Variants in CHD5 observed in about 807,000 individuals in gnomAD.
CHD5 encodes chromodomain helicase DNA binding protein 5, also known as ATP-dependent chromatin remodeler CHD5.
In CHD5, 69 loss-of-function variants were observed where a neutral mutation model predicts 230.3. That is an observed-to-expected ratio of 0.30 (90% CI 0.25 to 0.37). CHD5 has a LOEUF of 0.37. Among genes scored for constraint, CHD5 ranks in the 10% least tolerant of loss-of-function variants. The pLI, the probability that CHD5 is intolerant of heterozygous loss-of-function variation, is 1.00. For synonymous variants in CHD5, 1,064 were observed against 1,065.9 expected, an observed-to-expected ratio of 1.00 and a Z score of 0.03; for missense variants, 1,827 against 2,622.8, an observed-to-expected ratio of 0.70 and a Z score of 6.63.
At chr1:6,159,145 G>A (rs908171349) in intron 3 of CHD5, among the ~76,000 whole-genome samples, 191 bp downstream of exon 3, 3 of 151,950 alleles carry the variant, frequency 2.0e-5, no homozygotes, top group African/African-American at 7.3e-5. Flanking sequence ...TGAGGCAGGA[G>A]AATTGCTTGA....
intron 1 of CHD5, among the ~76,000 whole-genome samples, chr1:6,173,868 G>C (rs1243490393): frequency 2.6e-5 from 4 of 152,196 alleles, no homozygotes; most frequent in African/African-American, 9.7e-5. Flanking sequence ...CTGGCAAAGG[G>C]GGGCAGTACA....
chr1:6,113,007 A>G lies in CHD5; in HGVS notation c.4913-9T>C. On this transcript the variant is annotated splice_polypyrimidine_tract_variant and intron_variant, in intron 33 of 41. Transcript: ENST00000262450. ...CTCAGGAAGCACCTCCTCTGCAAGA[A>G]AAAGAGGGTTCGCGGCATGGGGTGG... 6.2e-7 allele frequency: 1 copy of G among 1,605,016 alleles called. No homozygotes were observed. The highest frequency in any genetic ancestry group is 1.1e-5 in the South Asian group (1 of 90,924).
At chr1:6,113,273 A>C in intron 33 of CHD5, 1 of 427,756 alleles carries the variant, frequency 2.3e-6, no homozygotes. Flanking sequence ...AAATACAACA[A>C]CTTAGCTGGG....
chr1:6,127,473 G>A lies in CHD5; in HGVS notation c.3903+573C>T, dbSNP rs1316653195. Among the ~76,000 whole-genome samples, 9 of 151,568 alleles carry A rather than the reference G, an allele frequency of 5.9e-5. 1 individual carries two copies. Among genetic ancestry groups the A allele is most frequent in the African/African-American group, 4.8e-5 (2 of 41,326 alleles). On this transcript the variant is annotated intron_variant, in intron 25 of 41. Coordinates refer to ENST00000262450, the MANE Select transcript of CHD5 (RefSeq NM_015557.3). ...TGCACTCCAGCCGGGGCGACAGAGC[G>A]AGACTCCATTTCAAGAAAAAAAAAA...
In CHD5 at chr1:6,105,475, G is replaced by T. The variant is rs979738091; in HGVS notation, c.*47-48C>A. 2.2e-6 allele frequency: 1 copy of T among 460,258 alleles called. No homozygotes were observed. The highest frequency in any genetic ancestry group is 2.0e-5 in the African/African-American group (1 of 49,480). The allele number at this position is 460,258 out of a possible 1,614,324, so 28.5% of individuals were successfully genotyped here. ...TTAAGCAGGTGGGCAGTTATAGGGG[G>T]CATCAGGGTGGCACCCAACAGCCTG... On this transcript the variant is annotated intron_variant, in intron 41 of 41. Coordinates refer to ENST00000262450, the MANE Select transcript of CHD5 (RefSeq NM_015557.3). The surrounding 1 kb of genome is among the most constrained non-coding windows in gnomAD (Gnocchi z 4.8).
At position 6,125,476 on chromosome 1, in the gene CHD5, C is replaced by G. The variant is rs755076558; in HGVS notation, c.4260+48G>C. 11 of 1,526,338 alleles carry G rather than the reference C, an allele frequency of 7.2e-6. No individual in the cohort carries two copies. Among genetic ancestry groups the G allele is most frequent in the South Asian group, 7.2e-5 (6 of 83,394 alleles). The allele number at this position is 1,526,338 out of a possible 1,614,324, so 94.5% of individuals were successfully genotyped here. A position where few individuals can be genotyped will look rare whatever the true frequency, so the allele number is the denominator to read the frequency against. ...CCAGCCCTCCTCCATACCCCAGGGG[C>G]AGCAGGAAGCAGGGGCAGAAAGAGA... is the stretch of plus-strand genomic sequence containing the variant. On this transcript the variant is annotated intron_variant, in intron 28 of 41. Transcript: ENST00000262450. This position sits in a 1 kb window ranked among gnomAD's most constrained non-coding sequence, Gnocchi z 6.7.
Position 6,103,253 on chromosome 1 carries a change from T to C in CHD5, c.*2221A>G, listed in dbSNP as rs1666103686. 1 of 152,572 alleles carries C rather than the reference T, an allele frequency of 6.6e-6. No individual in the cohort carries two copies. Among genetic ancestry groups the C allele is most frequent in the Admixed American group, 6.5e-5 (1 of 15,288 alleles). 9.5% of individuals were successfully genotyped at this position (152,572 alleles called of 1,614,324 possible). Reference sequence around the variant, plus strand: ...GCACCACCCCTTCTGGACCAGGCAGTGCAGGGGGCCCAGGCCCAAAGGAGC... The same window carrying C: ...GCACCACCCCTTCTGGACCAGGCAGCGCAGGGGGCCCAGGCCCAAAGGAGC... On this transcript the variant is annotated 3_prime_UTR_variant, in exon 42 of 42. Coordinates refer to ENST00000262450, the MANE Select transcript of CHD5 (RefSeq NM_015557.3).
At chr1:6,179,756 C>A (rs947890797) in intron 1 of CHD5, among the ~76,000 whole-genome samples, 189 bp downstream of exon 1, 20 of 146,628 alleles carry the variant, frequency 1.4e-4, no homozygotes, top group Non-Finnish European at 3.0e-4. Context: ...CCGGCCCGGG[C>A]GCTCACCCAG....
chr1:6,179,562 C>A lies in CHD5; in HGVS notation c.79+383G>T, dbSNP rs569632324. ...AGGCCAGAGGCGCACGGCGGCGGGA[C>A]GCGAGCGCGGGGTGCGCCGCTCCGG... On this transcript the variant is annotated intron_variant, in intron 1 of 41. Transcript: ENST00000262450. Among the ~76,000 whole-genome samples, 1,422 of 151,444 alleles carry A rather than the reference C, an allele frequency of 9.4e-3. 9 individuals carry two copies. Among genetic ancestry groups the A allele is most frequent in the Middle Eastern group, 0.021 (6 of 292 alleles).
chr1:6,162,843 A>G lies in CHD5; in HGVS notation c.208-3328T>C, dbSNP rs376018902. 7.8e-4 allele frequency among the ~76,000 whole-genome samples: 119 copies of G among 152,288 alleles called. 1 individual carries two copies. The highest frequency in any genetic ancestry group is 6.8e-3 in the Middle Eastern group (2 of 294). ...CGAGACGCGGTACAGAGGGAGCAGGACCTGGACAAGAAGGGGCTGCTGTGG... is the reference window on the plus strand; with the variant it reads ...CGAGACGCGGTACAGAGGGAGCAGGGCCTGGACAAGAAGGGGCTGCTGTGG... On this transcript the variant is annotated intron_variant, in intron 2 of 41. Transcript: ENST00000262450.
Position 6,134,586 on chromosome 1 carries a change from C to G in CHD5, c.3012+132G>C, listed in dbSNP as rs78453130. The G allele has an allele frequency of 1.7e-3, 1,731 of 1,027,236 alleles. 21 individuals are homozygous for G. The African/African-American group carries it at 0.024, about 14-fold the overall frequency. 63.6% of individuals were successfully genotyped at this position (1,027,236 alleles called of 1,614,324 possible). A position where few individuals can be genotyped will look rare whatever the true frequency, so the allele number is the denominator to read the frequency against. ...TTCCATGATGGCCAGGGAAACCTAC[C>G]ATGACAGCCACAGAAATCGCCACAA... On this transcript the variant is annotated intron_variant, in intron 19 of 41. Coordinates refer to ENST00000262450, the MANE Select transcript of CHD5 (RefSeq NM_015557.3). The surrounding 1 kb of genome is among the most constrained non-coding windows in gnomAD (Gnocchi z 6.3).
rs1235751436 is a variant in CHD5, at chr1:6,155,434, T to C, written c.506+165A>G. Among the ~76,000 whole-genome samples the C allele has an allele frequency of 6.6e-6, 1 of 152,060 alleles. No individual in the cohort carries two copies. Among genetic ancestry groups the C allele is most frequent in the Non-Finnish European group, 1.5e-5 (1 of 67,996 alleles). On this transcript the variant is annotated intron_variant, in intron 4 of 41. Transcript: ENST00000262450. The surrounding 1 kb of genome is among the most constrained non-coding windows in gnomAD (Gnocchi z 4.0). ...GGGAAGGCCTGGTGGTCTGTTAACA[T>C]GAAGGGGTCCTGCCCCCTCCCTCCA... is the stretch of plus-strand genomic sequence containing the variant.
At chr1:6,110,558 C>T (rs775490627) in intron 36 of CHD5, 32 bp from the exon 37 acceptor site, 3 of 1,608,328 alleles carry the variant, frequency 1.9e-6, no homozygotes, top group Non-Finnish European at 2.5e-6. Context: ...GCAAACCTGG[C>T]CGTTAGAAGT....
chr1:6,151,718 CCTT>C (rs943485010), intron 6 of CHD5, among the ~76,000 whole-genome samples: 2 of 152,238 alleles, frequency 1.3e-5, no homozygotes, highest in Non-Finnish European at 2.9e-5. Flanking sequence ...GCGGGCCACA[CCTT>C]CTCTCCATGC....
At chr1:6,132,400 C>T (rs967261302) in intron 20 of CHD5, among the ~76,000 whole-genome samples, 1 of 152,172 alleles carries the variant, frequency 6.6e-6, no homozygotes, top group Non-Finnish European at 1.5e-5. Flanking sequence ...GTCTAAAGTA[C>T]CTAGAGGTTC....
rs1384195841 is a variant in CHD5 at position 6,128,144 on chromosome 1, T to G, written c.3805A>C (p.Asn1269His). The G allele has an allele frequency of 1.9e-6, 3 of 1,614,130 alleles. No homozygotes were observed. The highest frequency in any genetic ancestry group is 3.3e-5 in the Admixed American group (2 of 60,018). Reference sequence around the variant, plus strand: ...TCCGTGTCATCTGTAGCGTCCTGGTTCCGGTCCAGCAGCTTGGAGATGGCC... The same window carrying G: ...TCCGTGTCATCTGTAGCGTCCTGGTGCCGGTCCAGCAGCTTGGAGATGGCC... Reference protein sequence around the residue: ...DAAISKLLDRNQDATDDTELQ... With the variant: ...DAAISKLLDRHQDATDDTELQ... Residue 1269 changes from asparagine to histidine, a missense_variant, in exon 25 of 42, where the codon AAC becomes CAC. This residue lies in a region of CHD5 where 137 missense variants were observed against 272.7 expected (regional missense o/e 0.50). Transcript: ENST00000262450. The surrounding 1 kb of genome is among the most constrained non-coding windows in gnomAD (Gnocchi z 7.8).
At chr1:6,144,682 C>A (rs1666882495) in intron 11 of CHD5, among the ~76,000 whole-genome samples, 1 of 152,214 alleles carries the variant, frequency 6.6e-6, no homozygotes, top group East Asian at 1.9e-4. Context: ...CAGCAGCACA[C>A]AGCTTGATTC....
rs527411269 is a variant in CHD5, at chr1:6,126,637, T to C, written c.4013A>G (p.Asn1338Ser). The change falls in exon 26 of 42, where the codon AAC (asparagine) becomes AGC (serine). Residue 1338 changes from asparagine (N) to serine (S), a missense_variant. Physicochemically the swap from Asn to Ser is conservative, Grantham distance 46. This residue lies in a region of CHD5 where 137 missense variants were observed against 272.7 expected (regional missense o/e 0.50). Coordinates refer to ENST00000262450, the MANE Select transcript of CHD5 (RefSeq NM_015557.3). The surrounding 1 kb of genome is among the most constrained non-coding windows in gnomAD (Gnocchi z 5.7). ...GCGGATGCGCTTGCCCTTGCCCAGG[T>C]TGCGGGCCAGGTCCTCCTGCTGCTG... ...YEQQQEDLAR[N>S]LGKGKRIRKQ... 4 of 1,613,926 alleles carry C rather than the reference T, an allele frequency of 2.5e-6. No homozygotes were observed. Among genetic ancestry groups the C allele is most frequent in the East Asian group, 4.5e-5 (2 of 44,850 alleles).
At position 6,131,627 on chromosome 1, in the gene CHD5, G is replaced by A; in HGVS notation, c.3262+4C>T. The A allele has an allele frequency of 6.5e-7, 1 of 1,542,284 alleles. No individual in the cohort carries two copies. The highest frequency in any genetic ancestry group is 2.2e-5 in the East Asian group (1 of 44,514). The stretch of plus-strand genomic sequence containing the variant: ...ATCAGAACCCTTGGGCAGGATGGGG[G>A]TACCATTGAATCTGTCGATTGCCTC... On this transcript the variant is annotated splice_donor_region_variant and intron_variant, in intron 21 of 41. Coordinates refer to ENST00000262450, the MANE Select transcript of CHD5 (RefSeq NM_015557.3). This position sits in a 1 kb window ranked among gnomAD's most constrained non-coding sequence, Gnocchi z 5.0.
Sources: allele counts gnomAD v4.1 joint callset (sites outside exome capture counted in the v4.1 genomes callset), GRCh38; gene constraint gnomAD v4.1.1; regional missense constraint gnomAD v4.1.1; non-coding constraint Gnocchi (gnomAD v3.1); transcripts MANE v1.5; gene names NCBI Gene and HGNC (gene_info 2026-07-23, HGNC 2026-07-21).